ATP6V1G3: variants seen among roughly 807,000 people sequenced by gnomAD.
ATP6V1G3 encodes the protein V-type proton ATPase subunit G 3.
Under a neutral mutation model 9.3 loss-of-function variants are expected in ATP6V1G3, and 9 were observed. The ratio of observed to expected loss-of-function variants is 0.97; its 90% CI spans 0.59 to 1.69. The LOEUF is 1.69. Ranked by LOEUF, ATP6V1G3 falls within the 40% of genes most tolerant of loss-of-function variation. The probability of loss-of-function intolerance (pLI) is 0.00; values close to 1 mark genes in which losing one functional copy is unlikely to be tolerated. For synonymous variants in ATP6V1G3, 43 were observed against 43.8 expected (o/e 0.98, Z 0.07); for missense variants, 133 against 139.0 (o/e 0.96, Z 0.22).
intron 1 of ATP6V1G3, among the ~76,000 whole-genome samples, chr1:198,530,816 TTCTA>T (rs941913927): frequency 6.6e-6 from 1 of 152,174 alleles, no homozygotes; most frequent in African/African-American, 2.4e-5. Flanking sequence ...ACCCACTTTC[TTCTA>T]TCTGTTTGTC....
At position 198,536,579 on chromosome 1, in the gene ATP6V1G3, G is replaced by A. The variant is rs747929658; in HGVS notation, c.82+3990C>T. 128 of 979,742 alleles carry A rather than the reference G, an allele frequency of 1.3e-4. 1 individual carries two copies. The highest frequency in any genetic ancestry group is 1.9e-4 in the Non-Finnish European group (126 of 665,540). The allele number at this position is 979,742 out of a possible 1,614,324, so 60.7% of individuals were successfully genotyped here. On this transcript the variant is annotated intron_variant, in intron 1 of 2. Transcript: ENST00000367382. The stretch of plus-strand genomic sequence containing the variant: ...CATCTAAATTCAACCAAAATAGTAA[G>A]GCAGTTTTGCACATAAAAATGAGTG...
At chr1:198,526,733 C>T (rs1466054561) in intron 2 of ATP6V1G3, among the ~76,000 whole-genome samples, 2 of 152,116 alleles carry the variant, frequency 1.3e-5, no homozygotes, top group Admixed American at 6.6e-5. Context: ...TTTGTGATTG[C>T]CTCCAGCAAA....
intron 1 of ATP6V1G3, among the ~76,000 whole-genome samples, chr1:198,539,629 C>A (rs1416940917): frequency 6.6e-6 from 1 of 152,180 alleles, no homozygotes; most frequent in Non-Finnish European, 1.5e-5. Flanking sequence ...TCATCTAAAT[C>A]TTGTCTCTAC....
At chr1:198,537,965 T>C (rs764314725) in intron 1 of ATP6V1G3, among the ~76,000 whole-genome samples, 2 of 152,232 alleles carry the variant, frequency 1.3e-5, no homozygotes, top group African/African-American at 2.4e-5. Context: ...CTTTAATACC[T>C]GCTGATAGCT....
chr1:198,536,195 A>G (rs1343863866), intron 1 of ATP6V1G3, among the ~76,000 whole-genome samples: 1 of 152,184 alleles, frequency 6.6e-6, no homozygotes, highest in Non-Finnish European at 1.5e-5. Flanking sequence ...GCATTTGAGT[A>G]TTTCAGAACA....
At chr1:198,540,780 T>G (rs1660315543), upstream of ATP6V1G3, 2 of 958,272 alleles carry the variant, frequency 2.1e-6, no homozygotes, top group African/African-American at 3.2e-5. Context: ...TGTTTCAAAC[T>G]GGCTTTATTG....
chr1:198,536,430 T>C (rs1660116492), intron 1 of ATP6V1G3, among the ~76,000 whole-genome samples: 1 of 152,234 alleles, frequency 6.6e-6, no homozygotes, highest in African/African-American at 2.4e-5. Context: ...AGATCTCTGA[T>C]GTTTAGGTAA....
chr1:198,530,327 A>G (rs1316433995), intron 1 of ATP6V1G3, among the ~76,000 whole-genome samples: 1 of 152,158 alleles, frequency 6.6e-6, no homozygotes, highest in African/African-American at 2.4e-5. Context: ...GTAAACTTTT[A>G]TCTGTCTCCC....
At chr1:198,525,207 T>C (rs989035687) in intron 2 of ATP6V1G3, among the ~76,000 whole-genome samples, 1 of 152,152 alleles carries the variant, frequency 6.6e-6, no homozygotes, top group East Asian at 1.9e-4. Flanking sequence ...AAGCTCAAAA[T>C]TTTTCCTCTA....
At chr1:198,532,665 A>G (rs2103138382) in intron 1 of ATP6V1G3, among the ~76,000 whole-genome samples, 1 of 152,314 alleles carries the variant, frequency 6.6e-6, no homozygotes, top group Middle Eastern at 3.4e-3. Context: ...ATGAAACAAT[A>G]TGTGAACAGA....
intron 2 of ATP6V1G3, among the ~76,000 whole-genome samples, chr1:198,527,336 C>A (rs750817702): frequency 6.6e-6 from 1 of 151,860 alleles, no homozygotes; most frequent in East Asian, 1.9e-4. Context: ...TGGCTTGGAG[C>A]GCTAATTATG....
chr1:198,530,009 G>A (rs1659833743), intron 1 of ATP6V1G3, among the ~76,000 whole-genome samples: 1 of 151,916 alleles, frequency 6.6e-6, no homozygotes, highest in South Asian at 2.1e-4. Context: ...GTTTGGGGGG[G>A]GTTACAGACA....
At chr1:198,535,844 C>A (rs540993604) in intron 1 of ATP6V1G3, among the ~76,000 whole-genome samples, 62 of 152,066 alleles carry the variant, frequency 4.1e-4, no homozygotes, top group Non-Finnish European at 8.1e-4. Context: ...GGCATCCAGG[C>A]AGAGCAGCTG....
At chr1:198,527,506 T>TA (rs756129562) in intron 2 of ATP6V1G3, among the ~76,000 whole-genome samples, 1 of 152,210 alleles carries the variant, frequency 6.6e-6, no homozygotes, top group Non-Finnish European at 1.5e-5. Context: ...TGTTATTACT[T>TA]AAAAAACGGA....
At chr1:198,533,915 C>G (rs949299014) in intron 1 of ATP6V1G3, among the ~76,000 whole-genome samples, 1 of 152,142 alleles carries the variant, frequency 6.6e-6, no homozygotes, top group Non-Finnish European at 1.5e-5. Context: ...TTTAGCAAGA[C>G]TGGTGATCTG....
intron 2 of ATP6V1G3, among the ~76,000 whole-genome samples, chr1:198,526,658 C>A (rs1659665588): frequency 6.6e-6 from 1 of 152,034 alleles, no homozygotes; most frequent in African/African-American, 2.4e-5. Flanking sequence ...TTTAAATGTT[C>A]CAGTTTAAGG....
chr1:198,528,994 T>G (rs1659775778), intron 2 of ATP6V1G3, 87 bp downstream of exon 2: 3 of 530,240 alleles, frequency 5.7e-6, no homozygotes, highest in Admixed American at 5.7e-5. Context: ...CAGCATATTT[T>G]TTTCTGTCAA....
intron 1 of ATP6V1G3, among the ~76,000 whole-genome samples, chr1:198,531,989 G>A (rs1208284550): frequency 6.6e-6 from 1 of 152,074 alleles, no homozygotes; most frequent in Non-Finnish European, 1.5e-5. Flanking sequence ...AAAAAGGCAA[G>A]GGGTAAAGCG....
intron 1 of ATP6V1G3, chr1:198,536,718 T>C (rs1315757209): frequency 6.2e-7 from 1 of 1,605,684 alleles, no homozygotes. Flanking sequence ...GAAAAGTAGA[T>C]GCAGAACTTA....
Sources: gnomAD v4.1 joint callset for allele counts (sites outside exome capture counted in the v4.1 genomes callset) on GRCh38, gnomAD v4.1.1 for gene constraint, MANE v1.5 for transcripts, NCBI Gene and HGNC (gene_info 2026-07-23, HGNC 2026-07-21) for gene names.